NCOR2: variants seen among roughly 807,000 people sequenced by gnomAD.
NCOR2 encodes nuclear receptor corepressor 2, also known as CTG repeat protein 26.
A neutral mutation model predicts 262.9 loss-of-function variants in NCOR2; 81 were observed. The ratio of observed to expected loss-of-function variants is 0.31; its 90% CI spans 0.26 to 0.37. The LOEUF (loss-of-function observed/expected upper bound fraction) is 0.37, where lower values mean the gene tolerates loss of function less well. Ranked by LOEUF, NCOR2 falls within the 10% of genes least tolerant of loss-of-function variation. NCOR2 has a pLI of 1.00. For synonymous variants in NCOR2, 1,659 were observed against 1,559.3 expected, an observed-to-expected ratio of 1.06 and a Z score of -1.51; for missense variants, 3,385 against 3,621.4, an observed-to-expected ratio of 0.93 and a Z score of 1.68.
intron 1 of NCOR2, among the ~76,000 whole-genome samples, chr12:124,506,858 A>C (rs1458718657): frequency 6.6e-6 from 1 of 152,158 alleles, no homozygotes; most frequent in Non-Finnish European, 1.5e-5. Flanking sequence ...CTGGGCTGTG[A>C]CGGCAGGAGA....
chr12:124,335,060 G>T, intron 40 of NCOR2, 75 bp downstream of exon 42: 1 of 1,604,078 alleles, frequency 6.2e-7, no homozygotes, highest in Non-Finnish European at 8.5e-7. Flanking sequence ...GGGCTGTGGG[G>T]TTCCCCATCC....
chr12:124,508,182 C>T (rs1156725625), intron 1 of NCOR2, among the ~76,000 whole-genome samples: 1 of 152,264 alleles, frequency 6.6e-6, no homozygotes, highest in Non-Finnish European at 1.5e-5. Flanking sequence ...GATGGGAGGA[C>T]CCCACTGCCG....
chr12:124,358,964 C>T (rs181826485), intron 22 of NCOR2, among the ~76,000 whole-genome samples: 196 of 152,388 alleles, frequency 1.3e-3, no homozygotes, highest in Admixed American at 3.2e-3. Flanking sequence ...TGGCAGATAG[C>T]GGCTTCGAAC....
At chr12:124,382,898 G>A (rs1336894427) in intron 17 of NCOR2, among the ~76,000 whole-genome samples, 1 of 152,218 alleles carries the variant, frequency 6.6e-6, no homozygotes, top group Non-Finnish European at 1.5e-5. Context: ...CCATTTTACA[G>A]AGGTGGAAAC....
At chr12:124,412,356 G>A (rs189151322) in intron 13 of NCOR2, among the ~76,000 whole-genome samples, 63 of 152,376 alleles carry the variant, frequency 4.1e-4, no homozygotes, top group South Asian at 1.2e-3. Context: ...AGATGACACG[G>A]TGGCACTGGC....
At chr12:124,392,723 CTGCTCT>C (rs2041397821) in intron 16 of NCOR2, among the ~76,000 whole-genome samples, 1 of 151,346 alleles carries the variant, frequency 6.6e-6, no homozygotes, top group South Asian at 2.1e-4. Context: ...GGAGGAGGTC[CTGCTCT>C]CCAGGCTCCA....
At chr12:124,338,159 G>T (rs2036049774) in intron 37 of NCOR2, among the ~76,000 whole-genome samples, 1 of 152,172 alleles carries the variant, frequency 6.6e-6, no homozygotes, top group African/African-American at 2.4e-5. Flanking sequence ...GGCAAGTTGG[G>T]GCACAAGTAC....
In NCOR2 at chr12:124,333,181, C is replaced by T. The variant is rs560169210; in HGVS notation, c.6704G>A (p.Arg2235Gln). The T allele has an allele frequency of 6.8e-5, 110 of 1,612,984 alleles. 2 individuals are homozygous for T. Among genetic ancestry groups the T allele is most frequent in the East Asian group, 4.7e-4 (21 of 44,850 alleles). ...GTACAGCAGCGGGTACACAGCACTC[C>T]GGGAGTGCCCTGGCTCCGTCATGCC... is the stretch of plus-strand genomic sequence containing the variant. The change falls in exon 42 of 47, where the codon CGG becomes CAG. Residue 2235 changes from arginine (R) to glutamine (Q), a missense_variant. Physicochemically the swap from Arg to Gln is conservative, Grantham distance 43. Transcript: ENST00000405201.
intron 13 of NCOR2, among the ~76,000 whole-genome samples, chr12:124,408,735 C>A (rs1230737327): frequency 6.6e-6 from 1 of 152,018 alleles, no homozygotes; most frequent in Non-Finnish European, 1.5e-5. Context: ...GGTGACAGAG[C>A]GAGACTCCAT....
chr12:124,332,058 A>AGG, intron 43 of NCOR2: 1 of 473,878 alleles, frequency 2.1e-6, no homozygotes, highest in East Asian at 3.9e-5. Context: ...GTATTCATGC[A>AGG]GGTATTCACT....
chr12:124,421,017 G>T (rs531568121), intron 12 of NCOR2, among the ~76,000 whole-genome samples: 14 of 152,374 alleles, frequency 9.2e-5, no homozygotes, highest in African/African-American at 2.4e-4. Context: ...GCCAATATTT[G>T]CAATTCAGGG....
Position 124,443,093 on chromosome 12 carries a change from A to G in NCOR2, c.816-5097T>C, listed in dbSNP as rs1367893232. On this transcript the variant is annotated intron_variant, in intron 7 of 46. Transcript: ENST00000405201. The surrounding 1 kb of genome is among the most constrained non-coding windows in gnomAD (Gnocchi z 4.4). ...CCAACTGCTGGCCTCCAGTACTGTGAGAGAAGAAAGTTCCTGCCATTTTCA... is the reference window on the plus strand; with the variant it reads ...CCAACTGCTGGCCTCCAGTACTGTGGGAGAAGAAAGTTCCTGCCATTTTCA... 6.6e-6 allele frequency among the ~76,000 whole-genome samples: 1 copy of G among 152,212 alleles called. No individual in the cohort carries two copies. The highest frequency in any genetic ancestry group is 1.5e-5 in the Non-Finnish European group (1 of 68,032).
chr12:124,357,131 G>C (rs2038016169), intron 22 of NCOR2, among the ~76,000 whole-genome samples: 1 of 152,344 alleles, frequency 6.6e-6, no homozygotes, highest in South Asian at 2.1e-4. Context: ...GTGGCAAATG[G>C]TATCTCAGAG....
chr12:124,396,987 C>A (rs2041713643), intron 16 of NCOR2, among the ~76,000 whole-genome samples: 1 of 152,228 alleles, frequency 6.6e-6, no homozygotes. Context: ...CGGGACCAAG[C>A]ACGGGACAGG....
chr12:124,378,448 T>G lies in NCOR2; in HGVS notation c.2020-64A>C. On this transcript the variant is annotated intron_variant, in intron 17 of 46. Coordinates refer to ENST00000405201, the Ensembl canonical transcript of NCOR2. This position sits in a 1 kb window ranked among gnomAD's most constrained non-coding sequence, Gnocchi z 4.2. ...GGGCTGTCAGCTCGGGGACTCCCCATGCCTGGGGCCTCGCCGCAGGTGCAA... is the reference window on the plus strand; with the variant it reads ...GGGCTGTCAGCTCGGGGACTCCCCAGGCCTGGGGCCTCGCCGCAGGTGCAA... 13 of 1,501,448 alleles carry G rather than the reference T, an allele frequency of 8.7e-6. No homozygotes were observed. The highest frequency in any genetic ancestry group is 1.1e-5 in the Non-Finnish European group (12 of 1,119,600). 93.0% of individuals were successfully genotyped at this position (1,501,448 alleles called of 1,614,324 possible). A position where few individuals can be genotyped will look rare whatever the true frequency, so the allele number is the denominator to read the frequency against.
At chr12:124,430,101 G>A (rs955396827) in intron 9 of NCOR2, among the ~76,000 whole-genome samples, 1 of 152,224 alleles carries the variant, frequency 6.6e-6, no homozygotes, top group African/African-American at 2.4e-5. Context: ...GGAACTTAAT[G>A]AGACATGGCT....
intron 20 of NCOR2, among the ~76,000 whole-genome samples, chr12:124,369,599 G>A (rs1350961549): frequency 2.6e-5 from 4 of 152,100 alleles, no homozygotes; most frequent in Admixed American, 1.3e-4. Flanking sequence ...GAGGGGTGGC[G>A]GGCTGCCGGC....
chr12:124,449,820 G>C, exon 7 of NCOR2: 1 of 1,614,090 alleles, frequency 6.2e-7, no homozygotes, highest in Non-Finnish European at 8.5e-7. Context: ...CTCACATTTT[G>C]ATGTTCTCAT....
chr12:124,352,862 T>A (rs1186196181), intron 27 of NCOR2, among the ~76,000 whole-genome samples: 1 of 152,160 alleles, frequency 6.6e-6, no homozygotes, highest in African/African-American at 2.4e-5. Context: ...CCCAATGAAC[T>A]CTACTCCCAA....
Sources: allele counts gnomAD v4.1 joint callset (sites outside exome capture counted in the v4.1 genomes callset), GRCh38; gene constraint gnomAD v4.1.1; non-coding constraint Gnocchi (gnomAD v3.1); transcripts MANE v1.5; gene names NCBI Gene and HGNC (gene_info 2026-07-23, HGNC 2026-07-21).